NELL1: variants seen among roughly 807,000 people sequenced by gnomAD.
NELL1 encodes protein kinase C-binding protein NELL1.
Under a neutral mutation model 107.4 loss-of-function variants are expected in NELL1, and 76 were observed. The ratio of observed to expected loss-of-function variants is 0.71; its 90% CI spans 0.59 to 0.86. The LOEUF is 0.86. Ranked by LOEUF, NELL1 falls within the 40% of genes least tolerant of loss-of-function variation. NELL1 has a pLI of 0.00. For synonymous variants in NELL1, 353 were observed against 341.2 expected (o/e 1.03, Z -0.38); for missense variants, 1,024 against 1,005.5 (o/e 1.02, Z -0.25).
intron 2 of NELL1, among the ~76,000 whole-genome samples, chr11:20,696,291 TTTTAG>T (rs1328575948): frequency 6.6e-6 from 1 of 152,108 alleles, no homozygotes; most frequent in Admixed American, 6.6e-5. Flanking sequence ...TCTGCTCTTA[TTTTAG>T]TTATTTATTT....
At position 21,392,450 on chromosome 11, in the gene NELL1, A is replaced by T. The variant is rs993756730; in HGVS notation, c.1645+21502A>T. Among the ~76,000 whole-genome samples the T allele has an allele frequency of 6.6e-5, 10 of 151,830 alleles. No individual in the cohort carries two copies. In the South Asian group the frequency reaches 1.2e-3, roughly 19 times the overall value. The stretch of plus-strand genomic sequence containing the variant: ...CATCCACCTCTTTTCTAGATTCCAA[A>T]ATTATGTTACTTTTATCATTTCTCC... On this transcript the variant is annotated intron_variant, in intron 15 of 19. Transcript: ENST00000357134.
intron 4 of NELL1, among the ~76,000 whole-genome samples, chr11:20,850,169 C>G (rs1385239530): frequency 6.6e-6 from 1 of 152,230 alleles, no homozygotes; most frequent in African/African-American, 2.4e-5. Context: ...TCACAAGTTT[C>G]TTCCCAGCCA....
chr11:21,525,157 C>T lies in NELL1; in HGVS notation c.1646-9217C>T, dbSNP rs191094255. Reference sequence around the variant, plus strand: ...GTTTGTTAGAGAAAATACAGAAAGGCTTCAGAGATAAAATTAGAAGGCCAT... The same window carrying T: ...GTTTGTTAGAGAAAATACAGAAAGGTTTCAGAGATAAAATTAGAAGGCCAT... On this transcript the variant is annotated intron_variant, in intron 15 of 19. Coordinates refer to ENST00000357134, the MANE Select transcript of NELL1 (RefSeq NM_006157.5). 2.7e-3 allele frequency among the ~76,000 whole-genome samples: 405 copies of T among 152,192 alleles called. 2 individuals are homozygous for T. Among genetic ancestry groups the T allele is most frequent in the Middle Eastern group, 6.8e-3 (2 of 294 alleles).
intron 14 of NELL1, among the ~76,000 whole-genome samples, chr11:21,240,299 T>C (rs1858319675): frequency 6.6e-6 from 1 of 152,048 alleles, no homozygotes; most frequent in Admixed American, 6.6e-5. Context: ...CTTCAAATTG[T>C]TTTGCAAAAT....
At chr11:20,895,899 T>G (rs1849726380) in intron 5 of NELL1, among the ~76,000 whole-genome samples, 1 of 152,190 alleles carries the variant, frequency 6.6e-6, no homozygotes, top group South Asian at 2.1e-4. Flanking sequence ...GTTCATTTTC[T>G]TTTTTTGGCT....
intron 15 of NELL1, among the ~76,000 whole-genome samples, chr11:21,413,977 T>C (rs894034800): frequency 5.3e-5 from 8 of 152,082 alleles, no homozygotes; most frequent in African/African-American, 1.4e-4. Flanking sequence ...TTCACAATGG[T>C]AGTAAAATCT....
intron 14 of NELL1, among the ~76,000 whole-genome samples, chr11:21,280,113 G>A (rs1848959697): frequency 6.6e-6 from 1 of 152,164 alleles, no homozygotes; most frequent in African/African-American, 2.4e-5. Context: ...AAACTACTCT[G>A]TAATGATACT....
intron 12 of NELL1, among the ~76,000 whole-genome samples, chr11:20,991,953 C>T (rs1346501376): frequency 6.7e-6 from 1 of 148,558 alleles, no homozygotes; most frequent in Non-Finnish European, 1.5e-5. Context: ...ATAACAACCC[C>T]TCTCCTTCTT....
intron 13 of NELL1, among the ~76,000 whole-genome samples, chr11:21,147,911 A>G (rs930771740): frequency 1.3e-4 from 20 of 149,404 alleles, no homozygotes; most frequent in African/African-American, 4.6e-4. Context: ...TTAGAAAAGT[A>G]GTTGCTTTGG....
chr11:21,201,265 A>G (rs967275463), intron 13 of NELL1, among the ~76,000 whole-genome samples: 14 of 152,220 alleles, frequency 9.2e-5, no homozygotes, highest in Non-Finnish European at 8.8e-5. Context: ...ATTCATGACC[A>G]TGAAATGTTT....
intron 13 of NELL1, among the ~76,000 whole-genome samples, chr11:21,134,900 T>C (rs924248797): frequency 5.9e-5 from 9 of 152,248 alleles, no homozygotes; most frequent in African/African-American, 2.2e-4. Context: ...TGCTGAAGTT[T>C]AATCTCTCAT....
At chr11:21,342,272 A>G (rs923823115) in intron 14 of NELL1, among the ~76,000 whole-genome samples, 3 of 152,152 alleles carry the variant, frequency 2.0e-5, no homozygotes, top group African/African-American at 7.2e-5. Flanking sequence ...CACTTTACAT[A>G]ATCTCAAGGG....
At chr11:20,691,282 T>C (rs1443081722) in intron 2 of NELL1, among the ~76,000 whole-genome samples, 1 of 151,616 alleles carries the variant, frequency 6.6e-6, no homozygotes, top group African/African-American at 2.4e-5. Flanking sequence ...TATTTCCTTC[T>C]CCTGCCTGAT....
intron 16 of NELL1, among the ~76,000 whole-genome samples, chr11:21,546,831 A>G (rs1490349698): frequency 1.3e-5 from 2 of 152,004 alleles, no homozygotes; most frequent in Non-Finnish European, 2.9e-5. Flanking sequence ...CCCTGAGATT[A>G]CTCAAGCTGC....
At chr11:20,989,989 T>C (rs112125217) in intron 12 of NELL1, among the ~76,000 whole-genome samples, 3 of 137,296 alleles carry the variant, frequency 2.2e-5, no homozygotes, top group East Asian at 2.2e-4. Context: ...AGAGTGAGAC[T>C]CCGTCTCAAA....
intron 12 of NELL1, among the ~76,000 whole-genome samples, chr11:21,027,459 C>G (rs1488741656): frequency 6.6e-6 from 1 of 151,094 alleles, no homozygotes; most frequent in East Asian, 1.9e-4. Flanking sequence ...AGATTCCAAG[C>G]TGCCAGAATA....
chr11:21,442,545 A>G (rs1477585174), intron 15 of NELL1, among the ~76,000 whole-genome samples: 2 of 152,200 alleles, frequency 1.3e-5, no homozygotes, highest in African/African-American at 4.8e-5. Context: ...TACTTGTATC[A>G]AGTATTTCAA....
intron 14 of NELL1, among the ~76,000 whole-genome samples, chr11:21,242,119 A>G (rs970628456): frequency 9.2e-5 from 14 of 152,014 alleles, no homozygotes; most frequent in Non-Finnish European, 1.8e-4. Flanking sequence ...TGATGAACAC[A>G]TGAGAAACTG....
chr11:21,322,938 T>C (rs971029543), intron 14 of NELL1, among the ~76,000 whole-genome samples: 2 of 151,304 alleles, frequency 1.3e-5, no homozygotes, highest in Middle Eastern at 3.2e-3. Flanking sequence ...TTTAAGTGAA[T>C]TGAAAGTGCC....
Sources: allele counts gnomAD v4.1 joint callset (sites outside exome capture counted in the v4.1 genomes callset), GRCh38; gene constraint gnomAD v4.1.1; transcripts MANE v1.5; gene names NCBI Gene and HGNC (gene_info 2026-07-23, HGNC 2026-07-21).